NUTM1: variants seen among roughly 807,000 people sequenced by gnomAD.
NUTM1 encodes NUT midline carcinoma family member 1.
Under a neutral mutation model 88.7 loss-of-function variants are expected in NUTM1, and 39 were observed. That is an observed-to-expected ratio of 0.44 (90% confidence interval 0.34 to 0.57). The LOEUF (loss-of-function observed/expected upper bound fraction) is 0.57, where lower values mean the gene tolerates loss of function less well. NUTM1 is among the 20% of genes least tolerant of loss of function. The probability of loss-of-function intolerance (pLI) is 0.01; values close to 1 mark genes in which losing one functional copy is unlikely to be tolerated. For missense variants in NUTM1, 1,350 were observed against 1,414.5 expected (o/e 0.95, Z 0.73); for synonymous variants, 494 against 538.0 (o/e 0.92, Z 1.13).
chr15:34,345,935 G>A lies in NUTM1; in HGVS notation c.7-7G>A. 1.9e-6 allele frequency: 3 copies of A among 1,613,902 alleles called. No individual in the cohort carries two copies. The highest frequency in any genetic ancestry group is 2.2e-5 in the East Asian group (1 of 44,878). On this transcript the variant is annotated splice_polypyrimidine_tract_variant and splice_region_variant and intron_variant, in intron 1 of 7. Transcript: ENST00000537011. ...TCCTTGGATCCCTGTGCACCTACTGGAGCCAGGTTACTCTGGGTCCTGGAC... is the reference window on the plus strand; with the variant it reads ...TCCTTGGATCCCTGTGCACCTACTGAAGCCAGGTTACTCTGGGTCCTGGAC...
rs1466512538 is a variant in NUTM1, at chr15:34,353,169, G to A, written c.939-567G>A. Reference sequence around the variant, plus strand: ...CAAAGTGCTGGGGTTACAGGCGTGAGCCACTGCGCCTGGCCTCATTCTTTA... The same window carrying A: ...CAAAGTGCTGGGGTTACAGGCGTGAACCACTGCGCCTGGCCTCATTCTTTA... On this transcript the variant is annotated intron_variant, in intron 4 of 7. Coordinates refer to ENST00000537011, the MANE Select transcript of NUTM1 (RefSeq NM_001284292.2). Among the ~76,000 whole-genome samples the A allele has an allele frequency of 7.3e-5, 11 of 151,608 alleles. 1 individual carries two copies. In the South Asian group the frequency reaches 2.1e-3, roughly 29 times the overall value.
intron 1 of NUTM1, 83 bp from the exon 2 acceptor site, chr15:34,345,859 T>C: frequency 6.5e-7 from 1 of 1,532,376 alleles, no homozygotes; most frequent in Non-Finnish European, 8.8e-7. Context: ...CACAGCAGAA[T>C]GCCTTGAGTT....
chr15:34,353,852 C>G lies in NUTM1; in HGVS notation c.1055C>G (p.Ser352Cys). 6.2e-7 allele frequency: 1 copy of G among 1,613,758 alleles called. No homozygotes were observed. The highest frequency in any genetic ancestry group is 8.5e-7 in the Non-Finnish European group (1 of 1,180,040). ...CTTGATCCTCTAGGGCCCCTGGCCT[C>G]TGAGGTTTGCCAGCAGCCAGGTGAG... is the stretch of plus-strand genomic sequence containing the variant. ...LKLDPLGPLA[S>C]EVCQQPVYIP... Residue 352 changes from serine to cysteine, a missense_variant, in exon 5 of 8, where the codon TCT becomes TGT. Around this residue, in one of 5 missense-constraint regions of NUTM1, gnomAD observed 89 missense variants for 76.0 expected, o/e 1.17. Coordinates refer to ENST00000537011, the MANE Select transcript of NUTM1 (RefSeq NM_001284292.2).
Position 34,343,675 on chromosome 15 carries a change from C to T in NUTM1, c.-22C>T. The stretch of plus-strand genomic sequence containing the variant: ...CCAAGATTTAAAGTTAGGTCCCTAC[C>T]GCAAATTCAGCGCTCTTTCTTATGG... On this transcript the variant is annotated 5_prime_UTR_variant, in exon 1 of 8. Coordinates refer to ENST00000537011, the MANE Select transcript of NUTM1 (RefSeq NM_001284292.2). The T allele has an allele frequency of 2.0e-6, 3 of 1,532,918 alleles. No homozygotes were observed. Among genetic ancestry groups the T allele is most frequent in the African/African-American group, 1.4e-5 (1 of 73,098 alleles). The allele number at this position is 1,532,918 out of a possible 1,614,324, so 95.0% of individuals were successfully genotyped here. A position where few individuals can be genotyped will look rare whatever the true frequency, so the allele number is the denominator to read the frequency against.
At chr15:34,346,179 C>T (rs1890583194) in intron 2 of NUTM1, 144 bp downstream of exon 2, 2 of 818,016 alleles carry the variant, frequency 2.4e-6, no homozygotes, top group East Asian at 4.9e-5. Flanking sequence ...GAGATTGTAC[C>T]TTTAAGACTA....
chr15:34,356,406 C>G lies in NUTM1; in HGVS notation c.2398C>G (p.Pro800Ala), dbSNP rs370627533. Residue 800 changes from proline to alanine, a missense_variant, in exon 8 of 8, where the codon CCT becomes GCT. Pro to Ala is a conservative substitution (Grantham distance 27). Transcript: ENST00000537011. ...CTCCAGGGGCAACATTTCCCTGGGT[C>G]CTGGAGAAACCCTAGTACCTGGGGA... is the stretch of plus-strand genomic sequence containing the variant. Reference protein sequence around the residue: ...LGSRGNISLGPGETLVPGDTE... With the variant: ...LGSRGNISLGAGETLVPGDTE... 6.2e-7 allele frequency: 1 copy of G among 1,611,168 alleles called. No homozygotes were observed. Among genetic ancestry groups the G allele is most frequent in the Non-Finnish European group, 8.5e-7 (1 of 1,178,628 alleles).
intron 3 of NUTM1, 61 bp from the exon 4 acceptor site, chr15:34,350,643 T>C (rs1292832225): frequency 1.9e-6 from 3 of 1,577,274 alleles, no homozygotes; most frequent in South Asian, 2.3e-5. Context: ...TTGATGTAGG[T>C]GTCAGGGCAG....
rs1335427772 is a variant in NUTM1, at chr15:34,354,750, A to G, written c.1362+18A>G. The G allele has an allele frequency of 1.9e-6, 3 of 1,613,032 alleles. No homozygotes were observed. The highest frequency in any genetic ancestry group is 2.2e-5 in the South Asian group (2 of 90,850). The stretch of plus-strand genomic sequence containing the variant: ...TCTCCAAGGTGAGCTGGGCCTGCAC[A>G]TCTTGTTTCTAGCAGATCCTTGGGG... On this transcript the variant is annotated intron_variant, in intron 6 of 7. Transcript: ENST00000537011.
Position 34,345,989 on chromosome 15 carries a change from A to G in NUTM1, c.54A>G (p.Arg18=), listed in dbSNP as rs763825935. ...GPDCLILEAS[R]QPQLVPKPER... is the part of the protein sequence containing the mutation. ...ACTGCCTCATTCTGGAGGCTTCCAG[A>G]CAGCCACAGTTAGTGCCCAAACCTG... The change falls in exon 2 of 8, where the codon AGA becomes AGG. Residue 18 remains arginine, a synonymous_variant. Transcript: ENST00000537011. The G allele has an allele frequency of 6.2e-7, 1 of 1,614,146 alleles. No individual in the cohort carries two copies. Among genetic ancestry groups the G allele is most frequent in the Non-Finnish European group, 8.5e-7 (1 of 1,180,010 alleles).
In NUTM1 at chr15:34,356,052, C is replaced by G. The variant is rs372372634; in HGVS notation, c.2044C>G (p.Gln682Glu). 2.5e-6 allele frequency: 4 copies of G among 1,614,076 alleles called. No homozygotes were observed. The African/African-American group carries it at 5.3e-5, about 22-fold the overall frequency. Residue 682 changes from glutamine (Q) to glutamate (E), a missense_variant, in exon 8 of 8, where the codon CAA becomes GAA. Coordinates refer to ENST00000537011, the MANE Select transcript of NUTM1 (RefSeq NM_001284292.2). ...APLQGQGLEK[Q>E]VLGLQKGQQT... ...TCTGCAAGGACAAGGGTTAGAAAAG[C>G]AAGTCCTGGGATTGCAGAAAGGACA...
At chr15:34,351,730 T>C (rs1279643581) in intron 4 of NUTM1, among the ~76,000 whole-genome samples, 5 of 152,172 alleles carry the variant, frequency 3.3e-5, no homozygotes, top group Non-Finnish European at 7.4e-5. Context: ...CACTCCTCCA[T>C]TGGAAATAGT....
rs1890761509 is a variant in NUTM1, at chr15:34,354,431, C to T, written c.1076-15C>T. On this transcript the variant is annotated splice_polypyrimidine_tract_variant and intron_variant, in intron 5 of 7. Transcript: ENST00000537011. ...CTGTGCTACTTCCCATTCTCCTGTC[C>T]ATCTCTTCCCTTAGTGTACATTCCG... 1.9e-6 allele frequency: 3 copies of T among 1,612,760 alleles called. No individual in the cohort carries two copies. In the East Asian group the frequency reaches 6.7e-5, roughly 36 times the overall value.
rs199906242 is a variant in NUTM1, at chr15:34,348,294, C to T, written c.426C>T (p.Leu142=). Residue 142 remains leucine (L), a synonymous_variant, in exon 3 of 8, where the codon CTC becomes CTT. Transcript: ENST00000537011. ...TQNFILTQTA[L]NSTAPGTPCG... ...ACTTTATCCTTACTCAGACTGCCCT[C>T]AATTCGACTGCCCCGGGCACTCCCT... The T allele has an allele frequency of 1.3e-4, 203 of 1,614,260 alleles. No individual in the cohort carries two copies. Among genetic ancestry groups the T allele is most frequent in the Middle Eastern group, 1.6e-4 (1 of 6,062 alleles).
chr15:34,354,930 A>T, intron 6 of NUTM1, 91 bp from the exon 7 acceptor site: 1 of 1,078,466 alleles, frequency 9.3e-7, no homozygotes, highest in Non-Finnish European at 1.4e-6. Context: ...AAGAGGGGAG[A>T]GTTGGGGAGC....
Position 34,357,140 on chromosome 15 carries a change from A to T in NUTM1, c.3132A>T (p.Glu1044Asp). The T allele has an allele frequency of 6.2e-7, 1 of 1,613,958 alleles. No homozygotes were observed. The highest frequency in any genetic ancestry group is 8.5e-7 in the Non-Finnish European group (1 of 1,179,992). ...AGGAAGCAGAGGAAGAGGATGAGGA[A>T]CTCTCCAACTTTGCTTACCTCTTGG... ...KKKEAEEEDE[E>D]LSNFAYLLAS... The change falls in exon 8 of 8, where the codon GAA (glutamate) becomes GAT (aspartate). Residue 1044 changes from glutamate (E) to aspartate (D), a missense_variant. Coordinates refer to ENST00000537011, the MANE Select transcript of NUTM1 (RefSeq NM_001284292.2).
rs754937163 is a variant in NUTM1 at position 34,348,513 on chromosome 15, G to A, written c.645G>A (p.Gly215=). ...GGCCAGGGCCACATGGGACAACCGG[G>A]GAAGGAGGTCCTGTGGCCACTCTAT... is the stretch of plus-strand genomic sequence containing the variant. ...KAWPGPHGTT[G]EGGPVATLSK... The change falls in exon 3 of 8, where the codon GGG becomes GGA. Residue 215 remains glycine, a synonymous_variant. Coordinates refer to ENST00000537011, the MANE Select transcript of NUTM1 (RefSeq NM_001284292.2). 10 of 1,614,192 alleles carry A rather than the reference G, an allele frequency of 6.2e-6. No homozygotes were observed. The Admixed American group carries it at 1.2e-4, about 19-fold the overall frequency.
chr15:34,344,502 C>CAAAA (rs780145688), intron 1 of NUTM1, among the ~76,000 whole-genome samples: 27 of 85,748 alleles, frequency 3.1e-4, no homozygotes, highest in Non-Finnish European at 4.9e-4. Flanking sequence ...GATCCTGTCT[C>CAAAA]AAAAAAAAAA....
At chr15:34,354,912 G>A (rs117762748) in intron 6 of NUTM1, 109 bp from the exon 7 acceptor site, 10,500 of 1,025,928 alleles carry the variant, frequency 0.01, 78 homozygotes, top group Non-Finnish European at 0.013. Flanking sequence ...TTACAATACC[G>A]GAGGGGTAAG....
At position 34,355,803 on chromosome 15, in the gene NUTM1, G is replaced by A; in HGVS notation, c.1795G>A (p.Ala599Thr). Residue 599 changes from alanine (A) to threonine (T), a missense_variant, in exon 8 of 8, where the codon GCT becomes ACT. By Grantham distance (58) the Ala-to-Thr change is moderately conservative. This residue lies in a region of NUTM1 where 730 missense variants were observed against 728.8 expected (regional missense o/e 1.00). Coordinates refer to ENST00000537011, the MANE Select transcript of NUTM1 (RefSeq NM_001284292.2). This position sits in a 1 kb window ranked among gnomAD's most constrained non-coding sequence, Gnocchi z 4.3. Reference protein sequence around the residue: ...SSWDLQPELAAPQGTPGPLGV... With the variant: ...SSWDLQPELATPQGTPGPLGV... ...CTGGGACCTGCAGCCAGAACTTGCA[G>A]CTCCACAGGGAACTCCGGGACCCTT... The A allele has an allele frequency of 2.5e-6, 4 of 1,614,196 alleles. No individual in the cohort carries two copies. Among genetic ancestry groups the A allele is most frequent in the Middle Eastern group, 1.6e-4 (1 of 6,062 alleles).
Sources: gnomAD v4.1 joint callset for allele counts (sites outside exome capture counted in the v4.1 genomes callset) on GRCh38, gnomAD v4.1.1 for gene constraint, gnomAD v4.1.1 regional missense constraint, Gnocchi (gnomAD v3.1) non-coding constraint, MANE v1.5 for transcripts, NCBI Gene and HGNC (gene_info 2026-07-23, HGNC 2026-07-21) for gene names.